The following OR7D2 variants were observed in gnomAD, a reference collection of about 807,000 sequenced individuals.
The protein encoded by OR7D2 is olfactory receptor family 7 subfamily D member 2, also known as olfactory receptor 7D2.
For synonymous variants in OR7D2, 158 were observed against 158.7 expected (o/e 1.00, Z 0.03); for missense variants, 370 against 384.1 (o/e 0.96, Z 0.31).
chr19:9,185,498 T>C (rs572864304), intron 2 of OR7D2: 4 of 151,574 alleles, frequency 2.6e-5, no homozygotes, highest in African/African-American at 9.7e-5. Context: ...TACCGCTTCC[T>C]TTTAAATAAA....
intron 2 of OR7D2, among the ~76,000 whole-genome samples, chr19:9,183,729 G>A (rs1246290779): frequency 2.0e-5 from 3 of 150,174 alleles, no homozygotes; most frequent in East Asian, 4.0e-4. Flanking sequence ...AGGCCGAGGC[G>A]GGCGGATCAC....
rs1183305147 is a variant in OR7D2, at chr19:9,185,958, G to T, written c.177G>T (p.Met59Ile). 10 of 1,614,064 alleles carry T rather than the reference G, an allele frequency of 6.2e-6. No individual in the cohort carries two copies. The highest frequency in any genetic ancestry group is 8.5e-6 in the Non-Finnish European group (10 of 1,180,008). Residue 59 changes from methionine to isoleucine, a missense_variant, in exon 3 of 3, where the codon ATG becomes ATT. Transcript: ENST00000641288. ...CTGACTCCCACCTCCACACCCCCATGTACTTCTTCCTCTCCAACCTGTCCT... is the reference window on the plus strand; with the variant it reads ...CTGACTCCCACCTCCACACCCCCATTTACTTCTTCCTCTCCAACCTGTCCT... Reference protein sequence around the residue: ...ISSDSHLHTPMYFFLSNLSWV... With the variant: ...ISSDSHLHTPIYFFLSNLSWV...
chr19:9,185,985 G>A lies in OR7D2; in HGVS notation c.204G>A (p.Trp68Ter). 1.2e-6 allele frequency: 2 copies of A among 1,614,006 alleles called. No homozygotes were observed. The highest frequency in any genetic ancestry group is 1.7e-6 in the Non-Finnish European group (2 of 1,179,990). Residue 68 changes from tryptophan (W) to a stop codon, truncating the protein, a stop_gained, in exon 3 of 3, where the codon TGG (tryptophan) becomes TGA (stop). Transcript: ENST00000641288. LOFTEE classifies it low-confidence loss of function (END_TRUNC). ...ACTTCTTCCTCTCCAACCTGTCCTG[G>A]GTTGACATCTGTTTCAGCACTTGCA... ...PMYFFLSNLS[W>*]VDICFSTCIV...
chr19:9,183,122 G>C (rs540112343), intron 2 of OR7D2: 4 of 245,848 alleles, frequency 1.6e-5, no homozygotes, highest in African/African-American at 9.2e-5. Context: ...AGCCAGCGCA[G>C]CAGGGTCCGT....
chr19:9,184,871 C>T (rs1022752306), intron 2 of OR7D2, among the ~76,000 whole-genome samples: 2 of 151,974 alleles, frequency 1.3e-5, no homozygotes, highest in African/African-American at 4.8e-5. Context: ...TAGATCCTGC[C>T]ATTTGCCACA....
intron 2 of OR7D2, among the ~76,000 whole-genome samples, chr19:9,184,980 A>G (rs761564644): frequency 2.5e-5 from 3 of 117,934 alleles, no homozygotes; most frequent in Non-Finnish European, 5.0e-5. Context: ...TATTTTTTTT[A>G]AAGTCAAATA....
intron 1 of OR7D2, among the ~76,000 whole-genome samples, chr19:9,179,543 CA>C (rs34397672): frequency 0.029 from 4,129 of 142,098 alleles, 86 homozygotes; most frequent in South Asian, 0.1. Context: ...GACGCTGTCT[CA>C]AAAAAAAAAA....
rs1194118559 is a variant in OR7D2 at position 9,186,567 on chromosome 19, T to C, written c.786T>C (p.Ser262=). 1.2e-6 allele frequency: 2 copies of C among 1,614,040 alleles called. No individual in the cohort carries two copies. Among genetic ancestry groups the C allele is most frequent in the Non-Finnish European group, 1.7e-6 (2 of 1,180,036 alleles). Residue 262 remains serine (S), a synonymous_variant, in exon 3 of 3, where the codon TCT becomes TCC. Transcript: ENST00000641288. ...YGTGIGVHFT[S]AVTHSSQKIS... is the part of the protein sequence containing the mutation. The stretch of plus-strand genomic sequence containing the variant: ...CAGGCATTGGGGTCCACTTCACTTC[T>C]GCGGTGACTCACTCTTCCCAGAAAA...
chr19:9,181,384 A>G (rs1242059908), intron 2 of OR7D2, among the ~76,000 whole-genome samples: 1 of 150,386 alleles, frequency 6.6e-6, no homozygotes, highest in Non-Finnish European at 1.5e-5. Flanking sequence ...GACTCAAGTC[A>G]TCCATTACAT....
intron 1 of OR7D2, among the ~76,000 whole-genome samples, chr19:9,179,404 G>T (rs973346170): frequency 2.6e-5 from 4 of 152,044 alleles, no homozygotes; most frequent in African/African-American, 9.7e-5. Flanking sequence ...GCTGGGCATG[G>T]TGGCGGATGC....
chr19:9,184,344 G>A (rs915591479), intron 2 of OR7D2, among the ~76,000 whole-genome samples: 11 of 152,154 alleles, frequency 7.2e-5, no homozygotes, highest in Admixed American at 2.0e-4. Context: ...AACTTGGGAG[G>A]TGGAGGTTGC....
At position 9,186,412 on chromosome 19, in the gene OR7D2, C is replaced by A; in HGVS notation, c.631C>A (p.Leu211Ile). ...GACGGGTGTGCTGGGCGTTTTTCCC[C>A]TCCTTGGGATCATTTTCTCTTATTC... ...FMTGVLGVFP[L>I]LGIIFSYSRI... Residue 211 changes from leucine to isoleucine, a missense_variant, in exon 3 of 3, where the codon CTC becomes ATC. Physicochemically the swap from Leu to Ile is conservative, Grantham distance 5. Coordinates refer to ENST00000641288, the MANE Select transcript of OR7D2 (RefSeq NM_175883.4). 1 of 1,614,216 alleles carries A rather than the reference C, an allele frequency of 6.2e-7. No homozygotes were observed. The highest frequency in any genetic ancestry group is 1.1e-5 in the South Asian group (1 of 91,082).
Position 9,186,198 on chromosome 19 carries a change from C to T in OR7D2, c.417C>T (p.His139=), listed in dbSNP as rs765947713. The part of the protein sequence containing the change: ...PLHYMIIMNP[H]LCGLLVFVTW... ...ACTATATGATCATCATGAACCCCCA[C>T]CTCTGTGGCCTCCTGGTTTTTGTCA... is the stretch of plus-strand genomic sequence containing the variant. Residue 139 remains histidine (H), a synonymous_variant, in exon 3 of 3, where the codon CAC becomes CAT. Transcript: ENST00000641288. 6.2e-6 allele frequency: 10 copies of T among 1,614,094 alleles called. No individual in the cohort carries two copies. In the South Asian group the frequency reaches 9.9e-5, roughly 16 times the overall value.
At chr19:9,183,535 C>A (rs2051006157) in intron 2 of OR7D2, among the ~76,000 whole-genome samples, 3 of 152,210 alleles carry the variant, frequency 2.0e-5, no homozygotes, top group South Asian at 4.1e-4. Flanking sequence ...ATCTCAGCCT[C>A]CCAAAGTGCT....
rs189882365 is a variant in OR7D2, at chr19:9,187,530, G to A, written c.*810G>A. ...ATTTATTTTTATGTCAGTAGTTTTT[G>A]GGGTACATGTGGTTTTTCATTACAC... On this transcript the variant is annotated 3_prime_UTR_variant, in exon 3 of 3. Coordinates refer to ENST00000641288, the MANE Select transcript of OR7D2 (RefSeq NM_175883.4). The A allele has an allele frequency of 6.0e-6, 1 of 166,538 alleles. No homozygotes were observed. Among genetic ancestry groups the A allele is most frequent in the Non-Finnish European group, 1.5e-5 (1 of 68,024 alleles). The allele number at this position is 166,538 out of a possible 1,614,324, so 10.3% of individuals were successfully genotyped here. A position where few individuals can be genotyped will look rare whatever the true frequency, so the allele number is the denominator to read the frequency against.
chr19:9,186,519 C>A lies in OR7D2; in HGVS notation c.738C>A (p.Ser246=). 6.2e-7 allele frequency: 1 copy of A among 1,613,940 alleles called. No individual in the cohort carries two copies. The highest frequency in any genetic ancestry group is 8.5e-7 in the Non-Finnish European group (1 of 1,179,978). Residue 246 remains serine, a synonymous_variant, in exon 3 of 3, where the codon TCC becomes TCA. Transcript: ENST00000641288. ...TTTCCACCTGTGGGTCTCACCTCTC[C>A]GTCGTTTCTTTATTTTATGGGACAG... is the stretch of plus-strand genomic sequence containing the variant. ...KALSTCGSHL[S]VVSLFYGTGI... is the part of the protein sequence containing the mutation.
At position 9,185,957 on chromosome 19, in the gene OR7D2, TG is replaced by T. The variant is rs1460252027; in HGVS notation, c.177del (p.Met59IlefsTer25). On this transcript the variant is annotated frameshift_variant, in exon 3 of 3. Coordinates refer to ENST00000641288, the MANE Select transcript of OR7D2 (RefSeq NM_175883.4). LOFTEE classifies it low-confidence loss of function (END_TRUNC). ...TCTGACTCCCACCTCCACACCCCCA[TG>T]TACTTCTTCCTCTCCAACCTGTCCT... is the stretch of plus-strand genomic sequence containing the variant. ...ISSDSHLHTP[M>X]YFFLSNLSWV... The T allele has an allele frequency of 1.2e-6, 2 of 1,614,018 alleles. No individual in the cohort carries two copies. Among genetic ancestry groups the T allele is most frequent in the African/African-American group, 2.7e-5 (2 of 75,020 alleles).
intron 2 of OR7D2, among the ~76,000 whole-genome samples, chr19:9,183,588 T>G (rs1246465491): frequency 2.6e-5 from 4 of 152,038 alleles, no homozygotes; most frequent in African/African-American, 9.7e-5. Context: ...TTAGAATTAT[T>G]AACCATTACT....
In OR7D2 at chr19:9,186,362, T is replaced by C; in HGVS notation, c.581T>C (p.Leu194Pro). The stretch of plus-strand genomic sequence containing the variant: ...CAGCTGGCCTGCTCTGATACCTTCC[T>C]GAACAGCACGTTGATATACTTTATG... ...ILQLACSDTF[L>P]NSTLIYFMTG... The change falls in exon 3 of 3, where the codon CTG (leucine) becomes CCG (proline). Residue 194 changes from leucine (L) to proline (P), a missense_variant. Transcript: ENST00000641288. 2 of 1,614,064 alleles carry C rather than the reference T, an allele frequency of 1.2e-6. No homozygotes were observed. The highest frequency in any genetic ancestry group is 1.7e-6 in the Non-Finnish European group (2 of 1,179,974).
Sources: allele counts gnomAD v4.1 joint callset (sites outside exome capture counted in the v4.1 genomes callset), GRCh38; gene constraint gnomAD v4.1.1; transcripts MANE v1.5; gene names NCBI Gene and HGNC (gene_info 2026-07-23, HGNC 2026-07-21).